SNAP25: variants seen among roughly 807,000 people sequenced by gnomAD.
The protein encoded by SNAP25 is synaptosomal-associated protein 25.
In SNAP25, 3 loss-of-function variants were observed where a neutral mutation model predicts 28.7. That is an observed-to-expected ratio of 0.10 (90% confidence interval 0.05 to 0.27). The LOEUF (loss-of-function observed/expected upper bound fraction) is 0.27. Among genes scored for constraint, SNAP25 ranks in the 10% least tolerant of loss-of-function variants. The probability of loss-of-function intolerance (pLI) is 1.00; values close to 1 mark genes in which losing one functional copy is unlikely to be tolerated. For synonymous variants in SNAP25, 61 were observed against 88.1 expected (o/e 0.69, Z 1.72); for missense variants, 117 against 278.7 (o/e 0.42, Z 4.13).
intron 1 of SNAP25, among the ~76,000 whole-genome samples, chr20:10,245,539 T>C (rs1334612631): frequency 6.6e-6 from 1 of 152,180 alleles, no homozygotes; most frequent in African/African-American, 2.4e-5. Context: ...CATTTCAAAC[T>C]GGGGGGTCTA....
intron 1 of SNAP25, among the ~76,000 whole-genome samples, chr20:10,236,310 C>A: frequency 6.6e-6 from 1 of 152,294 alleles, no homozygotes; most frequent in South Asian, 2.1e-4. Context: ...ACCCAGGTAT[C>A]TGATCAATTC....
At chr20:10,283,746 C>G (rs1299111740) in intron 3 of SNAP25, among the ~76,000 whole-genome samples, 1 of 152,142 alleles carries the variant, frequency 6.6e-6, no homozygotes, top group Non-Finnish European at 1.5e-5. Flanking sequence ...AGAATTTCTT[C>G]TGGGGGTACC....
At chr20:10,223,519 A>T (rs2122607045) in intron 1 of SNAP25, among the ~76,000 whole-genome samples, 1 of 152,274 alleles carries the variant, frequency 6.6e-6, no homozygotes, top group South Asian at 2.1e-4. Context: ...TACCTAGGGG[A>T]AACTTAGAGG....
At chr20:10,245,327 G>A (rs2063107388) in intron 1 of SNAP25, among the ~76,000 whole-genome samples, 2 of 152,116 alleles carry the variant, frequency 1.3e-5, no homozygotes, top group African/African-American at 2.4e-5. Context: ...AGCTGGCAGG[G>A]TGTCTCTTTC....
intron 7 of SNAP25, 73 bp downstream of exon 7, chr20:10,299,485 A>G (rs2064185778): frequency 6.8e-7 from 1 of 1,465,258 alleles, no homozygotes; most frequent in Non-Finnish European, 9.2e-7. Context: ...TGTGAAGGGC[A>G]TAACAAGATC....
At chr20:10,226,376 G>A (rs2062734163) in intron 1 of SNAP25, among the ~76,000 whole-genome samples, 1 of 152,078 alleles carries the variant, frequency 6.6e-6, no homozygotes, top group Non-Finnish European at 1.5e-5. Context: ...CATGATCACT[G>A]CCCATGTATT....
At chr20:10,271,372 T>C (rs1344737862) in intron 1 of SNAP25, among the ~76,000 whole-genome samples, 1 of 152,178 alleles carries the variant, frequency 6.6e-6, no homozygotes, top group African/African-American at 2.4e-5. Context: ...CAGCGCCCAC[T>C]CTCCAGCCGT....
chr20:10,254,608 T>A (rs1180578272), intron 1 of SNAP25, among the ~76,000 whole-genome samples: 1 of 152,136 alleles, frequency 6.6e-6, no homozygotes, highest in Non-Finnish European at 1.5e-5. Flanking sequence ...TGCTCTGAAG[T>A]TCTTAGAAAC....
intron 1 of SNAP25, among the ~76,000 whole-genome samples, chr20:10,239,593 C>A (rs370498715): frequency 6.6e-6 from 1 of 152,302 alleles, no homozygotes; most frequent in African/African-American, 2.4e-5. Context: ...ACTAACTGAG[C>A]GCTCTATGCA....
intron 4 of SNAP25, among the ~76,000 whole-genome samples, chr20:10,289,990 C>T (rs989066473): frequency 3.3e-5 from 5 of 151,924 alleles, no homozygotes; most frequent in South Asian, 2.1e-4. Context: ...GACCCCCTCC[C>T]TACTCAAAAT....
chr20:10,272,380 C>A (rs2063610681), intron 1 of SNAP25, among the ~76,000 whole-genome samples: 1 of 152,210 alleles, frequency 6.6e-6, no homozygotes, highest in African/African-American at 2.4e-5. Context: ...CCAGCTGGGT[C>A]TTTCTGACAT....
intron 5 of SNAP25, among the ~76,000 whole-genome samples, chr20:10,294,276 TCA>T (rs2064059026): frequency 1.3e-5 from 2 of 152,180 alleles, no homozygotes; most frequent in Non-Finnish European, 1.5e-5. Context: ...ATATGACCAT[TCA>T]CATCCTTTAA....
At chr20:10,219,225 A>G (rs1325167829) in intron 1 of SNAP25, 2 of 152,182 alleles carry the variant, frequency 1.3e-5, no homozygotes, top group Non-Finnish European at 2.9e-5. Context: ...TACGTACCGA[A>G]TAATAACTTA....
Position 10,293,252 on chromosome 20 carries a change from C to T in SNAP25, c.255C>T (p.Cys85=), listed in dbSNP as rs1051284. The T allele has an allele frequency of 3.7e-6, 6 of 1,613,944 alleles. No homozygotes were observed. Among genetic ancestry groups the T allele is most frequent in the Non-Finnish European group, 5.1e-6 (6 of 1,179,900 alleles). ...EKNLTDLGKF[C]GLCVCPCNKL... Reference sequence around the variant, plus strand: ...ATTTGACGGACCTAGGAAAATTCTGCGGGCTTTGTGTGTGTCCCTGTAACA... The same window carrying T: ...ATTTGACGGACCTAGGAAAATTCTGTGGGCTTTGTGTGTGTCCCTGTAACA... Residue 85 remains cysteine (C), a synonymous_variant, in exon 5 of 8, where the codon TGC becomes TGT. Coordinates refer to ENST00000254976, the MANE Select transcript of SNAP25 (RefSeq NM_130811.4). The surrounding 1 kb of genome is among the most constrained non-coding windows in gnomAD (Gnocchi z 5.6).
chr20:10,257,395 AC>A (rs1691267103), intron 1 of SNAP25, among the ~76,000 whole-genome samples: 2 of 152,210 alleles, frequency 1.3e-5, no homozygotes, highest in South Asian at 4.1e-4. Context: ...ACATGGTGAA[AC>A]CCTGTCTCTA....
chr20:10,280,791 G>C (rs1231379421), intron 3 of SNAP25, among the ~76,000 whole-genome samples: 1 of 152,164 alleles, frequency 6.6e-6, no homozygotes, highest in African/African-American at 2.4e-5. Flanking sequence ...GAATGTTTTA[G>C]CATCCTTCTT....
intron 3 of SNAP25, among the ~76,000 whole-genome samples, chr20:10,279,580 T>C (rs1814339464): frequency 6.6e-6 from 1 of 152,228 alleles, no homozygotes; most frequent in African/African-American, 2.4e-5. Context: ...CACTTTTTCA[T>C]GTATCGTCTT....
chr20:10,287,524 G>T (rs2063906467), intron 4 of SNAP25, among the ~76,000 whole-genome samples: 1 of 143,914 alleles, frequency 6.9e-6, no homozygotes, highest in African/African-American at 2.7e-5. Context: ...TGCTGGAGAG[G>T]ATGTGGAGAA....
intron 1 of SNAP25, among the ~76,000 whole-genome samples, chr20:10,236,512 C>T (rs568696772): frequency 2.4e-4 from 37 of 152,142 alleles, no homozygotes; most frequent in Non-Finnish European, 4.9e-4. Flanking sequence ...TTCCCTGTCT[C>T]TCCAGAAGTG....
Sources: allele counts gnomAD v4.1 joint callset (sites outside exome capture counted in the v4.1 genomes callset), GRCh38; gene constraint gnomAD v4.1.1; non-coding constraint Gnocchi (gnomAD v3.1); transcripts MANE v1.5; gene names NCBI Gene and HGNC (gene_info 2026-07-23, HGNC 2026-07-21).